EZH2: variants seen among roughly 807,000 people sequenced by gnomAD.
EZH2 encodes the protein histone-lysine N-methyltransferase EZH2.
In EZH2, 18 loss-of-function variants were observed where a neutral mutation model predicts 98.4. That is an observed-to-expected ratio of 0.18 (90% CI 0.13 to 0.27). The LOEUF (loss-of-function observed/expected upper bound fraction) is 0.27, where lower values mean the gene tolerates loss of function less well. Among genes scored for constraint, EZH2 ranks in the 10% least tolerant of loss-of-function variants. The pLI is 1.00. For synonymous variants in EZH2, 338 were observed against 312.3 expected, an observed-to-expected ratio of 1.08 and a Z score of -0.87; for missense variants, 470 against 935.1, an observed-to-expected ratio of 0.50 and a Z score of 6.49.
chr7:148,815,670 C>T (rs1468684096), intron 12 of EZH2, 124 bp from the exon 13 acceptor site: 1 of 831,610 alleles, frequency 1.2e-6, no homozygotes, highest in Admixed American at 2.1e-5. Flanking sequence ...AGAGTCATGC[C>T]CTGCCCAGTT....
chr7:148,881,608 T>A (rs1585338883), intron 1 of EZH2, among the ~76,000 whole-genome samples: 1 of 152,138 alleles, frequency 6.6e-6, no homozygotes, highest in African/African-American at 2.4e-5. Context: ...ATAGTAATTA[T>A]CAAATACAGA....
intron 1 of EZH2, among the ~76,000 whole-genome samples, chr7:148,858,291 C>CA (rs71529642): frequency 0.43 from 61,531 of 144,472 alleles, 13,145 homozygotes; most frequent in Non-Finnish European, 0.49. Flanking sequence ...GACTCTGTCT[C>CA]AAAAAAAAAA....
intron 1 of EZH2, among the ~76,000 whole-genome samples, chr7:148,862,407 T>C (rs1319297802): frequency 3.3e-5 from 5 of 152,236 alleles, no homozygotes; most frequent in Non-Finnish European, 7.3e-5. Context: ...GAAGCTGTCA[T>C]GCTCACAGTA....
intron 1 of EZH2, among the ~76,000 whole-genome samples, chr7:148,875,169 T>C (rs889857447): frequency 1.3e-5 from 2 of 152,236 alleles, no homozygotes; most frequent in African/African-American, 2.4e-5. Flanking sequence ...ATATGAATAA[T>C]ATCCTTTTAG....
chr7:148,843,590 T>G (rs937473409), intron 3 of EZH2, among the ~76,000 whole-genome samples: 7 of 100,770 alleles, frequency 6.9e-5, no homozygotes, highest in South Asian at 7.1e-4. Context: ...TAAGTTTTTT[T>G]TTTTTTTTTT....
chr7:148,834,273 C>T (rs556378359), intron 3 of EZH2, among the ~76,000 whole-genome samples: 9 of 151,816 alleles, frequency 5.9e-5, no homozygotes, highest in African/African-American at 1.7e-4. Flanking sequence ...GACATACATT[C>T]ATAATCCACA....
At chr7:148,875,810 G>C (rs1820091413) in intron 1 of EZH2, among the ~76,000 whole-genome samples, 1 of 152,170 alleles carries the variant, frequency 6.6e-6, no homozygotes, top group African/African-American at 2.4e-5. Context: ...GTCCATCCAT[G>C]GGTAAATGAA....
At chr7:148,829,594 G>T in intron 5 of EZH2, 134 bp downstream of exon 5, 2 of 927,142 alleles carry the variant, frequency 2.2e-6, no homozygotes, top group Non-Finnish European at 3.1e-6. Context: ...CTGGGCCCAG[G>T]TTCAGTCCCT....
intron 17 of EZH2, 200 bp downstream of exon 17, chr7:148,810,133 G>C (rs1029950429): frequency 4.0e-5 from 18 of 453,040 alleles, no homozygotes; most frequent in Non-Finnish European, 7.3e-5. Flanking sequence ...CAGAGAGGCG[G>C]TTTCCTGCAC....
At chr7:148,871,720 G>A (rs73158283) in intron 1 of EZH2, among the ~76,000 whole-genome samples, 8,194 of 151,900 alleles carry the variant, frequency 0.054, 292 homozygotes, top group Middle Eastern at 0.082. Flanking sequence ...AACTACAGGC[G>A]CATGCCACCA....
chr7:148,822,865 C>T (rs541346601), intron 8 of EZH2, among the ~76,000 whole-genome samples: 1 of 152,186 alleles, frequency 6.6e-6, no homozygotes, highest in Non-Finnish European at 1.5e-5. Flanking sequence ...TCACTTGAAT[C>T]CAGGAGGCAG....
Position 148,828,745 on chromosome 7 carries a change from C to T in EZH2, c.620G>A (p.Arg207Gln), listed in dbSNP as rs765147666. The change falls in exon 6 of 20, where the codon CGA (arginine) becomes CAA (glutamine). Residue 207 changes from arginine (R) to glutamine (Q), a missense_variant. Around this residue, in one of 6 missense-constraint regions of EZH2, gnomAD observed 69 missense variants for 78.3 expected, o/e 0.88. Transcript: ENST00000320356. ...ATCCTAATAATCAGGCATACCATCT[C>T]GGTGATCCTCCAGATCTTTCTGCTT... is the stretch of plus-strand genomic sequence containing the variant. ...EEKQKDLEDH[R>Q]DDKESRPPRK... is the part of the protein sequence containing the mutation. 15 of 1,612,820 alleles carry T rather than the reference C, an allele frequency of 9.3e-6. No individual in the cohort carries two copies. The highest frequency in any genetic ancestry group is 6.7e-5 in the African/African-American group (5 of 74,798).
At chr7:148,822,605 T>G (rs761761277) in intron 8 of EZH2, among the ~76,000 whole-genome samples, 1 of 151,586 alleles carries the variant, frequency 6.6e-6, no homozygotes, top group South Asian at 2.1e-4. Flanking sequence ...ATTTCCTGAT[T>G]ATATAAAAAG....
intron 1 of EZH2, among the ~76,000 whole-genome samples, chr7:148,880,815 G>A (rs1438460015): frequency 2.0e-5 from 3 of 152,014 alleles, no homozygotes; most frequent in African/African-American, 4.8e-5. Flanking sequence ...AAATACCAAC[G>A]TAGGTACTAG....
At chr7:148,873,491 C>CAAAAAA (rs1162280467) in intron 1 of EZH2, among the ~76,000 whole-genome samples, 9,198 of 58,092 alleles carry the variant, frequency 0.16, 607 homozygotes, top group East Asian at 0.24. Flanking sequence ...GACTCTGTCT[C>CAAAAAA]AAAAAAAAAA....
intron 3 of EZH2, among the ~76,000 whole-genome samples, chr7:148,840,502 AG>A (rs2129483002): frequency 6.6e-6 from 1 of 152,342 alleles, no homozygotes; most frequent in East Asian, 1.9e-4. Context: ...GTTGGACTAC[AG>A]GGACTTTTGC....
At chr7:148,858,030 C>T (rs183639827) in intron 1 of EZH2, among the ~76,000 whole-genome samples, 1,629 of 150,760 alleles carry the variant, frequency 0.011, 16 homozygotes, top group Non-Finnish European at 0.015. Context: ...CAGTGGCTCA[C>T]GCCTATAATC....
intron 3 of EZH2, among the ~76,000 whole-genome samples, chr7:148,844,428 A>AT (rs1813427032): frequency 6.6e-6 from 1 of 152,200 alleles, no homozygotes; most frequent in Non-Finnish European, 1.5e-5. Flanking sequence ...GAAAGGGGAA[A>AT]TAATAGATGG....
chr7:148,829,963 A>C, intron 4 of EZH2, 115 bp from the exon 5 acceptor site: 1 of 667,762 alleles, frequency 1.5e-6, no homozygotes, highest in Non-Finnish European at 2.3e-6. Context: ...CTCCAGATTT[A>C]AAATACTAGT....
Sources: allele counts gnomAD v4.1 joint callset (sites outside exome capture counted in the v4.1 genomes callset), GRCh38; gene constraint gnomAD v4.1.1; regional missense constraint gnomAD v4.1.1; transcripts MANE v1.5; gene names NCBI Gene and HGNC (gene_info 2026-07-23, HGNC 2026-07-21).